The following IGSF11 variants were observed in gnomAD, a reference collection of about 807,000 sequenced individuals.
IGSF11 encodes CXADR like 1.
A neutral mutation model predicts 41.0 loss-of-function variants in IGSF11; 22 were observed. The observed-to-expected ratio is 0.54, with a 90% CI of 0.38 to 0.77. The LOEUF is 0.77. Among genes scored for constraint, IGSF11 ranks in the 30% least tolerant of loss-of-function variants. The pLI, the probability that IGSF11 is intolerant of heterozygous loss-of-function variation, is 0.00. For synonymous variants in IGSF11, 219 were observed against 201.3 expected (o/e 1.09, Z -0.74); for missense variants, 444 against 530.8 (o/e 0.84, Z 1.61).
exon 1 of IGSF11, chr3:119,105,219 G>C: frequency 6.6e-7 from 1 of 1,518,776 alleles, no homozygotes; most frequent in South Asian, 1.1e-5. Context: ...AGGAAGGTGA[G>C]AACAGGGGAA....
chr3:119,016,320 G>A (rs1010151658), intron 1 of IGSF11, among the ~76,000 whole-genome samples: 1 of 152,196 alleles, frequency 6.6e-6, no homozygotes, highest in Non-Finnish European at 1.5e-5. Flanking sequence ...AAACTGCCCA[G>A]AAATATGTCG....
At position 118,902,370 on chromosome 3, in the gene IGSF11, T is replaced by C. The variant is rs1938966378; in HGVS notation, c.*150A>G. 1 of 630,268 alleles carries C rather than the reference T, an allele frequency of 1.6e-6. No homozygotes were observed. Among genetic ancestry groups the C allele is most frequent in the African/African-American group, 1.8e-5 (1 of 54,634 alleles). 39.0% of individuals were successfully genotyped at this position (630,268 alleles called of 1,614,324 possible). A position where few individuals can be genotyped will look rare whatever the true frequency, so the allele number is the denominator to read the frequency against. ...TTTCAGTCCATTTTACACATCTTAGTGGCCAAGTAACAGCACTGCCTTCTT... is the reference window on the plus strand; with the variant it reads ...TTTCAGTCCATTTTACACATCTTAGCGGCCAAGTAACAGCACTGCCTTCTT... On this transcript the variant is annotated 3_prime_UTR_variant, in exon 7 of 7. Transcript: ENST00000393775.
intron 1 of IGSF11, among the ~76,000 whole-genome samples, chr3:119,029,135 C>T (rs1291525072): frequency 6.7e-6 from 1 of 150,026 alleles, no homozygotes; most frequent in Non-Finnish European, 1.5e-5. Context: ...TACTATAGTG[C>T]CCAGCATGGT....
intron 1 of IGSF11, among the ~76,000 whole-genome samples, chr3:119,051,157 A>T (rs937567132): frequency 1.4e-5 from 2 of 147,982 alleles, no homozygotes; most frequent in Non-Finnish European, 3.0e-5. Context: ...AATAATTAAT[A>T]AATAAATAAA....
At chr3:119,060,709 CT>C (rs1390577865) in intron 1 of IGSF11, among the ~76,000 whole-genome samples, 1 of 152,190 alleles carries the variant, frequency 6.6e-6, no homozygotes, top group Non-Finnish European at 1.5e-5. Context: ...AGTTTTCTGT[CT>C]CTATGGCCAG....
intron 1 of IGSF11, among the ~76,000 whole-genome samples, chr3:119,138,122 AT>A (rs768463350): frequency 2.7e-5 from 4 of 148,358 alleles, no homozygotes; most frequent in Non-Finnish European, 5.9e-5. Flanking sequence ...AATGTAAATT[AT>A]TTTCACTATG....
At chr3:119,054,593 T>C (rs1000747865) in intron 1 of IGSF11, among the ~76,000 whole-genome samples, 1 of 152,154 alleles carries the variant, frequency 6.6e-6, no homozygotes, top group East Asian at 1.9e-4. Flanking sequence ...GAATGTAAAC[T>C]AGTACAACCA....
chr3:119,129,726 T>A (rs2077451594), intron 1 of IGSF11, among the ~76,000 whole-genome samples: 1 of 152,204 alleles, frequency 6.6e-6, no homozygotes, highest in Non-Finnish European at 1.5e-5. Flanking sequence ...GGCTCATACC[T>A]GTAATCTCAA....
chr3:119,032,689 A>G (rs1940523934), intron 1 of IGSF11, among the ~76,000 whole-genome samples: 1 of 152,214 alleles, frequency 6.6e-6, no homozygotes, highest in African/African-American at 2.4e-5. Flanking sequence ...TACCCTATTC[A>G]TTCAATGTCC....
chr3:119,030,113 T>C (rs751998494), intron 1 of IGSF11, among the ~76,000 whole-genome samples: 10 of 152,210 alleles, frequency 6.6e-5, no homozygotes, highest in Non-Finnish European at 1.0e-4. Context: ...TAAATATAAG[T>C]GTCCTCTAAT....
At chr3:119,123,491 C>T (rs2077360591) in intron 1 of IGSF11, among the ~76,000 whole-genome samples, 1 of 152,194 alleles carries the variant, frequency 6.6e-6, no homozygotes, top group Admixed American at 6.5e-5. Flanking sequence ...TTGTACAGCC[C>T]TAGGGCCTTG....
intron 1 of IGSF11, among the ~76,000 whole-genome samples, chr3:118,974,604 T>C (rs1246214420): frequency 1.3e-5 from 2 of 152,226 alleles, no homozygotes; most frequent in Non-Finnish European, 2.9e-5. Flanking sequence ...CCTAATCTTC[T>C]GGCCCTTCTT....
intron 1 of IGSF11, among the ~76,000 whole-genome samples, chr3:118,950,029 A>G (rs112021646): frequency 6.6e-6 from 1 of 152,202 alleles, no homozygotes; most frequent in African/African-American, 2.4e-5. Flanking sequence ...GCAAACCCTC[A>G]ATAAAGAGGG....
At chr3:118,984,204 T>A (rs894665306) in intron 1 of IGSF11, among the ~76,000 whole-genome samples, 3 of 152,256 alleles carry the variant, frequency 2.0e-5, no homozygotes, top group African/African-American at 7.2e-5. Flanking sequence ...TGCCTCTTTT[T>A]TACATCCTGC....
intron 1 of IGSF11, among the ~76,000 whole-genome samples, chr3:118,932,709 T>C (rs548558048): frequency 9.8e-5 from 15 of 152,324 alleles, no homozygotes; most frequent in Middle Eastern, 3.4e-3. Context: ...TATAGTGATA[T>C]GATAAATTTA....
chr3:119,020,339 T>C (rs187103652), intron 1 of IGSF11, among the ~76,000 whole-genome samples: 1 of 152,276 alleles, frequency 6.6e-6, no homozygotes, highest in East Asian at 1.9e-4. Context: ...CCACCTGTTT[T>C]CTGCCACTGC....
intron 1 of IGSF11, among the ~76,000 whole-genome samples, chr3:119,009,242 T>C (rs995985414): frequency 1.3e-5 from 2 of 151,632 alleles, no homozygotes; most frequent in Admixed American, 1.3e-4. Context: ...CTTTCCCATC[T>C]TGCATAAAGC....
At chr3:118,951,536 A>C (rs1944567315) in intron 1 of IGSF11, among the ~76,000 whole-genome samples, 1 of 152,190 alleles carries the variant, frequency 6.6e-6, no homozygotes, top group Non-Finnish European at 1.5e-5. Flanking sequence ...AGAAAGCTTC[A>C]AGTGATATTT....
At chr3:118,940,322 G>A (rs1264581385) in intron 1 of IGSF11, among the ~76,000 whole-genome samples, 22 of 152,122 alleles carry the variant, frequency 1.4e-4, no homozygotes, top group Admixed American at 1.4e-3. Flanking sequence ...TAATAAATGA[G>A]TTTAGCAAGG....
Sources: gnomAD v4.1 joint callset for allele counts (sites outside exome capture counted in the v4.1 genomes callset) on GRCh38, gnomAD v4.1.1 for gene constraint, MANE v1.5 for transcripts, NCBI Gene and HGNC (gene_info 2026-07-23, HGNC 2026-07-21) for gene names.